Variants in ETS1 observed in about 807,000 individuals in gnomAD.
The protein encoded by ETS1 is ETS proto-oncogene 1, transcription factor.
Under a neutral mutation model 58.6 loss-of-function variants are expected in ETS1, and 15 were observed. The observed-to-expected ratio is 0.26, with a 90% CI of 0.17 to 0.39. The LOEUF (loss-of-function observed/expected upper bound fraction) is 0.39. ETS1 is among the 10% of genes least tolerant of loss of function. The probability of loss-of-function intolerance (pLI) is 1.00; values close to 1 mark genes in which losing one functional copy is unlikely to be tolerated. For missense variants in ETS1, 417 were observed against 610.5 expected, an observed-to-expected ratio of 0.68 and a Z score of 3.34; for synonymous variants, 214 against 218.2, an observed-to-expected ratio of 0.98 and a Z score of 0.17.
intron 3 of ETS1, among the ~76,000 whole-genome samples, chr11:128,504,579 G>A (rs985808929): frequency 7.9e-5 from 12 of 152,194 alleles, no homozygotes; most frequent in South Asian, 6.2e-4. Flanking sequence ...AGACGCTTTC[G>A]ATGTCATCTA....
chr11:128,503,408 T>A (rs1863141948), intron 3 of ETS1, among the ~76,000 whole-genome samples: 1 of 152,150 alleles, frequency 6.6e-6, no homozygotes, highest in Non-Finnish European at 1.5e-5. Flanking sequence ...ATCAACTTCA[T>A]AAGTGTGTCA....
intron 1 of ETS1, among the ~76,000 whole-genome samples, chr11:128,585,090 G>GA (rs1274561971): frequency 4.7e-5 from 1 of 21,344 alleles, no homozygotes. Context: ...AAGAAAGAAA[G>GA]GAAAGAAAGA....
At chr11:128,499,078 G>A (rs1863018188) in intron 3 of ETS1, among the ~76,000 whole-genome samples, 2 of 152,168 alleles carry the variant, frequency 1.3e-5, no homozygotes, top group Non-Finnish European at 2.9e-5. Context: ...TTACACTTCT[G>A]AATGAGGAAA....
intron 3 of ETS1, among the ~76,000 whole-genome samples, chr11:128,516,496 G>A (rs972502169): frequency 1.3e-5 from 2 of 152,112 alleles, no homozygotes; most frequent in African/African-American, 4.8e-5. Context: ...TCCTCTCTGC[G>A]GTGACAGTGT....
chr11:128,508,751 C>T (rs1736549744), intron 3 of ETS1, among the ~76,000 whole-genome samples: 1 of 152,176 alleles, frequency 6.6e-6, no homozygotes, highest in Non-Finnish European at 1.5e-5. Flanking sequence ...CATTTAGGCT[C>T]CTCTAGAACA....
intron 3 of ETS1, among the ~76,000 whole-genome samples, chr11:128,555,202 C>T (rs1348612445): frequency 6.6e-6 from 1 of 152,230 alleles, no homozygotes; most frequent in East Asian, 1.9e-4. Flanking sequence ...ACCCACCATA[C>T]ACACAGCCCA....
intron 3 of ETS1, among the ~76,000 whole-genome samples, chr11:128,515,592 T>C: frequency 6.6e-6 from 1 of 152,204 alleles, no homozygotes; most frequent in East Asian, 1.9e-4. Context: ...AAATTTAGTG[T>C]CTAACTCGGG....
intron 2 of ETS1, among the ~76,000 whole-genome samples, chr11:128,569,069 C>A (rs2135574679): frequency 6.6e-6 from 1 of 152,334 alleles, no homozygotes; most frequent in Middle Eastern, 3.4e-3. Flanking sequence ...TCAACGTCAG[C>A]ACTATCAGAA....
rs137970618 is a variant in ETS1 at position 128,484,862 on chromosome 11, C to G, written c.823G>C (p.Val275Leu). The G allele has an allele frequency of 6.2e-7, 1 of 1,614,000 alleles. No homozygotes were observed. Residue 275 changes from valine (V) to leucine (L), a missense_variant, in exon 7 of 10, where the codon GTC becomes CTC. By Grantham distance (32) the Val-to-Leu change is conservative. This residue lies in a region of ETS1 where 139 missense variants were observed against 152.1 expected (regional missense o/e 0.91). Coordinates refer to ENST00000392668, the MANE Select transcript of ETS1 (RefSeq NM_001143820.2). ...NDYFAIKQEVVTPDNMCMGRT... is the reference protein window; with the variant it reads ...NDYFAIKQEVLTPDNMCMGRT... The stretch of plus-strand genomic sequence containing the variant: ...CCCATGCACATGTTGTCTGGGGTGA[C>G]GACTTCTTGTTTGATAGCAAAGTAG...
chr11:128,488,277 A>G (rs1862694362), intron 5 of ETS1, among the ~76,000 whole-genome samples: 1 of 152,212 alleles, frequency 6.6e-6, no homozygotes, highest in South Asian at 2.1e-4. Context: ...TCTTTCCTGT[A>G]TTCCTTTATG....
intron 1 of ETS1, among the ~76,000 whole-genome samples, chr11:128,574,872 G>A (rs561794403): frequency 3.9e-5 from 6 of 152,212 alleles, no homozygotes; most frequent in Non-Finnish European, 8.8e-5. Flanking sequence ...TGTGTCATAT[G>A]ATAATGGCTT....
At chr11:128,476,854 A>C (rs1392976190) in intron 8 of ETS1, among the ~76,000 whole-genome samples, 1 of 152,254 alleles carries the variant, frequency 6.6e-6, no homozygotes, top group East Asian at 1.9e-4. Flanking sequence ...GCGGAAGCCA[A>C]CATTGCATTT....
chr11:128,543,644 A>G (rs564722043), intron 3 of ETS1, among the ~76,000 whole-genome samples: 2 of 152,272 alleles, frequency 1.3e-5, no homozygotes, highest in East Asian at 3.9e-4. Flanking sequence ...CTCTCCTTTC[A>G]CATCTGGCCT....
chr11:128,489,306 T>C lies in ETS1; in HGVS notation c.519A>G (p.Leu173=), dbSNP rs748122378. ...DFVGDILWEH[L]EILQKEDVKP... ...CATATTTACCTTTCTGCAGGATCTC[T>C]AGATGTTCCCATAAGATGTCCCCAA... Residue 173 remains leucine (L), a synonymous_variant, in exon 5 of 10, where the codon CTA becomes CTG. Transcript: ENST00000392668. 4.3e-6 allele frequency: 7 copies of C among 1,613,992 alleles called. No individual in the cohort carries two copies. The African/African-American group carries it at 8.0e-5, about 18-fold the overall frequency.
intron 3 of ETS1, among the ~76,000 whole-genome samples, chr11:128,540,015 G>C (rs1442336632): frequency 5.3e-5 from 8 of 152,182 alleles, no homozygotes; most frequent in Non-Finnish European, 1.2e-4. Flanking sequence ...TTTCTGTTAA[G>C]AAGAATAAAA....
In ETS1 at chr11:128,551,687, G is replaced by A. The variant is rs1349770385; in HGVS notation, c.214+4604C>T. 2.6e-5 allele frequency among the ~76,000 whole-genome samples: 4 copies of A among 152,076 alleles called. No homozygotes were observed. The East Asian group carries it at 5.8e-4, about 22-fold the overall frequency. The stretch of plus-strand genomic sequence containing the variant: ...TTTCCATGTATTTTCTCAGTATCCC[G>A]GGCATGGCACTGGTCACCAAACGTG... On this transcript the variant is annotated intron_variant, in intron 3 of 9. Coordinates refer to ENST00000392668, the MANE Select transcript of ETS1 (RefSeq NM_001143820.2).
chr11:128,487,091 C>T (rs745998497), intron 5 of ETS1, among the ~76,000 whole-genome samples: 1 of 152,204 alleles, frequency 6.6e-6, no homozygotes, highest in Non-Finnish European at 1.5e-5. Flanking sequence ...CAGATTGAAA[C>T]ATCCCCGTAC....
intron 1 of ETS1, among the ~76,000 whole-genome samples, chr11:128,578,627 T>C (rs1371649918): frequency 2.6e-5 from 4 of 152,162 alleles, no homozygotes; most frequent in African/African-American, 9.7e-5. Context: ...TAATAATTTG[T>C]TCAATATTCT....
intron 3 of ETS1, among the ~76,000 whole-genome samples, chr11:128,517,232 C>T (rs962909287): frequency 6.6e-6 from 1 of 152,212 alleles, no homozygotes; most frequent in Non-Finnish European, 1.5e-5. Flanking sequence ...CAGGGAGCCA[C>T]TGTACCTCCT....
Sources: allele counts gnomAD v4.1 joint callset (sites outside exome capture counted in the v4.1 genomes callset), GRCh38; gene constraint gnomAD v4.1.1; regional missense constraint gnomAD v4.1.1; transcripts MANE v1.5; gene names NCBI Gene and HGNC (gene_info 2026-07-23, HGNC 2026-07-21).